Variants in GRID2 observed in about 807,000 individuals in gnomAD.
GRID2 encodes the protein glutamate receptor ionotropic, delta-2.
A neutral mutation model predicts 114.8 loss-of-function variants in GRID2; 33 were observed. That is an observed-to-expected ratio of 0.29 (90% CI 0.22 to 0.38). GRID2 has a LOEUF of 0.38. Ranked by LOEUF, GRID2 falls within the 10% of genes least tolerant of loss-of-function variation. The pLI is 1.00. For synonymous variants in GRID2, 505 were observed against 449.9 expected, an observed-to-expected ratio of 1.12 and a Z score of -1.55; for missense variants, 1,184 against 1,257.7, an observed-to-expected ratio of 0.94 and a Z score of 0.89.
intron 9 of GRID2, among the ~76,000 whole-genome samples, chr4:93,414,458 A>G (rs1183727137): frequency 5.3e-5 from 8 of 151,908 alleles, no homozygotes; most frequent in Non-Finnish European, 1.2e-4. Context: ...ATATTTCCTA[A>G]TATGTGGCTC....
At chr4:93,658,163 C>A (rs999547935) in intron 14 of GRID2, among the ~76,000 whole-genome samples, 8 of 152,092 alleles carry the variant, frequency 5.3e-5, no homozygotes, top group African/African-American at 1.9e-4. Context: ...AATCTTAGAG[C>A]ATAAAATAAA....
intron 1 of GRID2, among the ~76,000 whole-genome samples, chr4:92,507,906 G>A (rs966667822): frequency 6.6e-6 from 1 of 151,908 alleles, no homozygotes; most frequent in African/African-American, 2.4e-5. Flanking sequence ...TTTGGGCTGT[G>A]TAGCCTCTAT....
chr4:93,180,143 C>T (rs1308816721), intron 4 of GRID2, among the ~76,000 whole-genome samples: 2 of 151,978 alleles, frequency 1.3e-5, no homozygotes, highest in Non-Finnish European at 2.9e-5. Context: ...GTGTCACATG[C>T]AACCCGTCAA....
chr4:93,656,849 A>C (rs908540986), intron 14 of GRID2, among the ~76,000 whole-genome samples: 2 of 148,004 alleles, frequency 1.4e-5, no homozygotes, highest in East Asian at 1.9e-4. Flanking sequence ...AAAAAAAAAA[A>C]AAAAAAAACA....
intron 2 of GRID2, among the ~76,000 whole-genome samples, chr4:92,653,059 C>T (rs1390876043): frequency 1.4e-5 from 2 of 147,126 alleles, no homozygotes; most frequent in Non-Finnish European, 1.5e-5. Flanking sequence ...TCACTCCAGT[C>T]CAGTGGCACG....
intron 2 of GRID2, among the ~76,000 whole-genome samples, chr4:93,062,970 T>C (rs1055582532): frequency 1.3e-5 from 2 of 151,978 alleles, no homozygotes; most frequent in Non-Finnish European, 2.9e-5. Context: ...TATAAAATTA[T>C]CTGTTGTGTT....
chr4:93,248,170 A>T (rs558488566), intron 8 of GRID2, among the ~76,000 whole-genome samples: 1 of 152,252 alleles, frequency 6.6e-6, no homozygotes, highest in African/African-American at 2.4e-5. Context: ...TCCACTGAAC[A>T]ACCTAATTCC....
chr4:92,704,185 G>T (rs1247328305), intron 2 of GRID2, among the ~76,000 whole-genome samples: 1 of 152,150 alleles, frequency 6.6e-6, no homozygotes, highest in Non-Finnish European at 1.5e-5. Flanking sequence ...GGTTGAGGCA[G>T]GAGAATGGCA....
At chr4:93,621,373 T>G (rs2149683052) in intron 13 of GRID2, among the ~76,000 whole-genome samples, 1 of 152,298 alleles carries the variant, frequency 6.6e-6, no homozygotes, top group East Asian at 1.9e-4. Flanking sequence ...CTTTGGATTA[T>G]TTTTCTTCCT....
chr4:93,208,352 T>C (rs1743052319), intron 5 of GRID2, among the ~76,000 whole-genome samples: 1 of 151,960 alleles, frequency 6.6e-6, no homozygotes, highest in African/African-American at 2.4e-5. Context: ...CCTCAGTTTA[T>C]TCATTTGGAC....
chr4:93,614,319 GC>G (rs199912622), intron 13 of GRID2, among the ~76,000 whole-genome samples: 3,630 of 152,200 alleles, frequency 0.024, 62 homozygotes, highest in East Asian at 0.066. Flanking sequence ...TTCCTATTCG[GC>G]CATCTTGGCT....
chr4:93,297,030 C>CT (rs761641939), intron 8 of GRID2, among the ~76,000 whole-genome samples: 6 of 152,116 alleles, frequency 3.9e-5, no homozygotes, highest in Non-Finnish European at 8.8e-5. Flanking sequence ...GTGCTTGTCT[C>CT]TTTATTTGCT....
intron 1 of GRID2, among the ~76,000 whole-genome samples, chr4:92,502,504 T>C (rs1403460527): frequency 6.6e-6 from 1 of 152,082 alleles, no homozygotes; most frequent in African/African-American, 2.4e-5. Context: ...AACTACATGA[T>C]ACATTAGAAA....
intron 2 of GRID2, among the ~76,000 whole-genome samples, chr4:92,644,530 A>G (rs1731517507): frequency 6.6e-6 from 1 of 151,702 alleles, no homozygotes; most frequent in Non-Finnish European, 1.5e-5. Flanking sequence ...TATAGATGTC[A>G]TACATTTTTA....
At chr4:93,723,565 T>A (rs1412137479) in intron 14 of GRID2, among the ~76,000 whole-genome samples, 1 of 152,236 alleles carries the variant, frequency 6.6e-6, no homozygotes, top group East Asian at 1.9e-4. Flanking sequence ...CTATGCAATA[T>A]AATTTTTTCA....
At chr4:92,870,652 A>G (rs1371778653) in intron 2 of GRID2, among the ~76,000 whole-genome samples, 3 of 152,194 alleles carry the variant, frequency 2.0e-5, no homozygotes, top group Admixed American at 6.5e-5. Context: ...GCATTCAATT[A>G]TTAAATTATA....
At chr4:92,912,886 T>A (rs566186488) in intron 2 of GRID2, among the ~76,000 whole-genome samples, 6 of 151,916 alleles carry the variant, frequency 3.9e-5, no homozygotes, top group South Asian at 2.1e-4. Context: ...TGAGTTGTAA[T>A]TTACCCATGA....
chr4:92,789,357 G>A (rs1739465496), intron 2 of GRID2, among the ~76,000 whole-genome samples: 1 of 151,852 alleles, frequency 6.6e-6, no homozygotes, highest in African/African-American at 2.4e-5. Context: ...TCCATTAGTT[G>A]TGGGAATTGC....
chr4:93,264,777 T>A (rs1033636069), intron 8 of GRID2, among the ~76,000 whole-genome samples: 1 of 145,336 alleles, frequency 6.9e-6, no homozygotes, highest in Non-Finnish European at 1.5e-5. Flanking sequence ...TATATATAAA[T>A]ATATATAATA....
Sources: allele counts gnomAD v4.1 joint callset (sites outside exome capture counted in the v4.1 genomes callset), GRCh38; gene constraint gnomAD v4.1.1; transcripts MANE v1.5; gene names NCBI Gene and HGNC (gene_info 2026-07-23, HGNC 2026-07-21).